Variants in DNAH14 observed in about 807,000 individuals in gnomAD.
The protein encoded by DNAH14 is axonemal beta dynein heavy chain 14.
DNAH14 carries 478 observed loss-of-function variants against 520.9 expected under a neutral mutation model. That is an observed-to-expected ratio of 0.92 (90% CI 0.85 to 0.99). The LOEUF (loss-of-function observed/expected upper bound fraction) is 0.99. DNAH14 is among the 50% of genes least tolerant of loss of function. The pLI, the probability that DNAH14 is intolerant of heterozygous loss-of-function variation, is 0.00. For missense variants in DNAH14, 4,831 were observed against 5,234.5 expected (o/e 0.92, Z 2.38); for synonymous variants, 1,581 against 1,757.2 (o/e 0.90, Z 2.51).
In DNAH14 at chr1:225,152,056, T is replaced by C; in HGVS notation, c.4992T>C (p.Phe1664=). ...EIRINMSCAV[F]ITMNPRYGGG... is the part of the protein sequence containing the mutation. ...GTATCAATATGTCTTGTGCGGTATT[T>C]ATCACCATGAATCCCAGGTAAGTAT... Residue 1664 remains phenylalanine, a synonymous_variant, in exon 32 of 86, where the codon TTT becomes TTC. Coordinates refer to ENST00000682510, the MANE Select transcript of DNAH14 (RefSeq NM_001367479.1). 1 of 1,550,628 alleles carries C rather than the reference T, an allele frequency of 6.4e-7. No individual in the cohort carries two copies. Among genetic ancestry groups the C allele is most frequent in the Non-Finnish European group, 8.7e-7 (1 of 1,146,680 alleles).
chr1:225,165,223 A>G (rs2081931288), intron 35 of DNAH14, among the ~76,000 whole-genome samples: 1 of 152,108 alleles, frequency 6.6e-6, no homozygotes, highest in Non-Finnish European at 1.5e-5. Context: ...AAGAAGGTCA[A>G]TGTCACTTCA....
intron 55 of DNAH14, among the ~76,000 whole-genome samples, chr1:225,295,845 T>C (rs1394210950): frequency 1.3e-5 from 2 of 152,202 alleles, no homozygotes; most frequent in African/African-American, 4.8e-5. Context: ...AATGGGGTGT[T>C]GAAATCCCCA....
intron 66 of DNAH14, among the ~76,000 whole-genome samples, chr1:225,336,785 C>A (rs770373540): frequency 6.6e-6 from 1 of 152,156 alleles, no homozygotes; most frequent in Non-Finnish European, 1.5e-5. Flanking sequence ...TATCTAACGT[C>A]TTTTAGCCTC....
intron 3 of DNAH14, among the ~76,000 whole-genome samples, chr1:224,959,566 T>C (rs2060718939): frequency 6.6e-6 from 1 of 152,130 alleles, no homozygotes; most frequent in Non-Finnish European, 1.5e-5. Flanking sequence ...AAAGGTCTGT[T>C]TTTAATATTT....
At chr1:225,354,591 C>G (rs2150499138) in intron 73 of DNAH14, among the ~76,000 whole-genome samples, 1 of 152,190 alleles carries the variant, frequency 6.6e-6, no homozygotes, top group South Asian at 2.1e-4. Flanking sequence ...ATTAGGAAAC[C>G]AAGGCTTATA....
At chr1:225,178,229 G>A (rs1333307863) in intron 36 of DNAH14, among the ~76,000 whole-genome samples, 1 of 152,254 alleles carries the variant, frequency 6.6e-6, no homozygotes, top group Middle Eastern at 3.4e-3. Flanking sequence ...TTTTCCTGCT[G>A]CTGGTAAAAG....
intron 1 of DNAH14, among the ~76,000 whole-genome samples, chr1:224,951,737 G>A (rs2060189875): frequency 1.4e-5 from 2 of 138,330 alleles, no homozygotes; most frequent in African/African-American, 5.6e-5. Flanking sequence ...TGCAAGCTCC[G>A]CCTCCCAGGT....
At chr1:225,128,831 A>G (rs993248992) in intron 27 of DNAH14, among the ~76,000 whole-genome samples, 10 of 151,552 alleles carry the variant, frequency 6.6e-5, no homozygotes, top group Admixed American at 3.3e-4. Context: ...ATCAGGCAGG[A>G]GAATGAAATA....
At chr1:225,208,449 G>C (rs77775676) in intron 41 of DNAH14, among the ~76,000 whole-genome samples, 7,468 of 152,182 alleles carry the variant, frequency 0.049, 285 homozygotes, top group Non-Finnish European at 0.072. Flanking sequence ...ATCAGGAAGA[G>C]CTAAAGAGGT....
At chr1:225,142,066 C>T (rs1284207801) in intron 28 of DNAH14, among the ~76,000 whole-genome samples, 1 of 152,134 alleles carries the variant, frequency 6.6e-6, no homozygotes, top group Non-Finnish European at 1.5e-5. Context: ...TATATACTCA[C>T]ATGTTCATTA....
intron 43 of DNAH14, among the ~76,000 whole-genome samples, chr1:225,241,481 CA>C (rs1558131252): frequency 6.6e-6 from 1 of 152,156 alleles, no homozygotes; most frequent in Admixed American, 6.5e-5. Context: ...TTTGAGGTTA[CA>C]GTCATACATT....
At chr1:225,301,145 T>G in intron 56 of DNAH14, 115 bp downstream of exon 56, 1 of 1,213,886 alleles carries the variant, frequency 8.2e-7, no homozygotes, top group Non-Finnish European at 1.1e-6. Context: ...TATATGAGTT[T>G]TTAAGGTAAA....
chr1:225,047,532 C>G lies in DNAH14; in HGVS notation c.1913-2678C>G, dbSNP rs569642157. ...TTGTAGCTAGGGCAACAGGGTATACCATATAGCCTAGGTGTGTAGTAGGCT... is the reference window on the plus strand; with the variant it reads ...TTGTAGCTAGGGCAACAGGGTATACGATATAGCCTAGGTGTGTAGTAGGCT... On this transcript the variant is annotated intron_variant, in intron 15 of 85. Transcript: ENST00000682510. 3.4e-3 allele frequency among the ~76,000 whole-genome samples: 511 copies of G among 152,178 alleles called. 1 individual carries two copies. Among genetic ancestry groups the G allele is most frequent in the Admixed American group, 7.9e-3 (121 of 15,284 alleles).
chr1:225,369,960 C>T (rs1251557308), intron 77 of DNAH14, among the ~76,000 whole-genome samples: 3 of 151,942 alleles, frequency 2.0e-5, no homozygotes, highest in African/African-American at 4.8e-5. Context: ...GTAAGGTGGG[C>T]GGATCACCTG....
At chr1:225,388,827 A>T (rs10915818) in intron 82 of DNAH14, among the ~76,000 whole-genome samples, 47,425 of 151,950 alleles carry the variant, frequency 0.31, 9,315 homozygotes, top group African/African-American at 0.56. Flanking sequence ...CCCAGGCTGG[A>T]GTGCAGTGGC....
rs369125894 is a variant in DNAH14, at chr1:225,002,945, A to G, written c.975+18A>G. 6.6e-6 allele frequency: 10 copies of G among 1,504,070 alleles called. No individual in the cohort carries two copies. The African/African-American group carries it at 9.9e-5, about 15-fold the overall frequency. 93.2% of individuals were successfully genotyped at this position (1,504,070 alleles called of 1,614,324 possible). On this transcript the variant is annotated intron_variant, in intron 9 of 85. Transcript: ENST00000682510. ...TTGTAAAGGTGAGTAGAAGTATACT[A>G]CTATAAGCTAATATTGGTATATAGA...
Position 225,100,788 on chromosome 1 carries a change from C to A in DNAH14, c.3771C>A (p.Asn1257Lys). 1 of 1,538,108 alleles carries A rather than the reference C, an allele frequency of 6.5e-7. No homozygotes were observed. Among genetic ancestry groups the A allele is most frequent in the South Asian group, 1.2e-5 (1 of 80,672 alleles). The change falls in exon 23 of 86, where the codon AAC becomes AAA. Residue 1257 changes from asparagine (N) to lysine (K), a missense_variant. Asn to Lys is a moderately conservative substitution (Grantham distance 94). Coordinates refer to ENST00000682510, the MANE Select transcript of DNAH14 (RefSeq NM_001367479.1). ...MWKKIMSKIQ[N>K]KQNALQITTS... is the part of the protein sequence containing the mutation. ...AAAAAATAATGTCAAAAATACAAAA[C>A]AAACAGAATGCTTTGCAGATAACCA...
chr1:225,109,887 C>T (rs1558988757), intron 23 of DNAH14, among the ~76,000 whole-genome samples: 2 of 152,000 alleles, frequency 1.3e-5, no homozygotes, highest in Admixed American at 1.3e-4. Context: ...TATGTTTCTT[C>T]TATATTCAGT....
intron 61 of DNAH14, among the ~76,000 whole-genome samples, chr1:225,321,815 C>T (rs955286807): frequency 2.0e-5 from 3 of 152,146 alleles, no homozygotes; most frequent in Admixed American, 6.5e-5. Flanking sequence ...AAGACAAATT[C>T]CCATCCACCC....
Sources: gnomAD v4.1 joint callset for allele counts (sites outside exome capture counted in the v4.1 genomes callset) on GRCh38, gnomAD v4.1.1 for gene constraint, MANE v1.5 for transcripts, NCBI Gene and HGNC (gene_info 2026-07-23, HGNC 2026-07-21) for gene names.